The following PARP10 variants were observed in gnomAD, a reference collection of about 807,000 sequenced individuals.
The protein encoded by PARP10 is protein mono-ADP-ribosyltransferase PARP10.
PARP10 carries 56 observed loss-of-function variants against 82.4 expected under a neutral mutation model. The observed-to-expected ratio is 0.68, with a 90% CI of 0.55 to 0.85. The LOEUF (loss-of-function observed/expected upper bound fraction) is 0.85, where lower values mean the gene tolerates loss of function less well. Ranked by LOEUF, PARP10 falls within the 40% of genes least tolerant of loss-of-function variation. The probability of loss-of-function intolerance (pLI) is 0.00; values close to 1 mark genes in which losing one functional copy is unlikely to be tolerated. For missense variants in PARP10, 1,227 were observed against 1,379.4 expected (o/e 0.89, Z 1.75); for synonymous variants, 576 against 601.1 (o/e 0.96, Z 0.61).
At chr8:144,001,873 C>CGTGTGTGTGTGTGTGTGTGTGT (rs57117824) in intron 1 of PARP10, among the ~76,000 whole-genome samples, 97 of 136,502 alleles carry the variant, frequency 7.1e-4, no homozygotes, top group African/African-American at 2.6e-3. Flanking sequence ...AATATATATA[C>CGTGTGTGTGTGTGTGTGTGTGT]GTGTGTGTGT....
intron 1 of PARP10, among the ~76,000 whole-genome samples, chr8:144,002,128 G>A (rs575801284): frequency 6.6e-6 from 1 of 152,064 alleles, no homozygotes; most frequent in African/African-American, 2.4e-5. Flanking sequence ...ATGTGGGCCC[G>A]TCAGGCTATT....
intron 1 of PARP10, among the ~76,000 whole-genome samples, chr8:144,000,128 G>A (rs1834191582): frequency 6.6e-6 from 1 of 152,166 alleles, no homozygotes; most frequent in South Asian, 2.1e-4. Context: ...AGCATTGTGA[G>A]GTAAATTGTG....
chr8:143,986,621 C>T, upstream of PARP10: 1 of 596,696 alleles, frequency 1.7e-6, no homozygotes, highest in Non-Finnish European at 3.0e-6. Context: ...GCCAACCCAG[C>T]CCAGCCCACC....
intron 1 of PARP10, among the ~76,000 whole-genome samples, chr8:144,004,944 C>T (rs553331768): frequency 1.1e-4 from 16 of 152,086 alleles, no homozygotes; most frequent in African/African-American, 2.9e-4. Flanking sequence ...TTTGGGAGGC[C>T]GAGGCGGGCA....
intron 3 of PARP10, 35 bp downstream of exon 3, chr8:143,985,686 C>A: frequency 6.2e-7 from 1 of 1,602,550 alleles, no homozygotes; most frequent in Non-Finnish European, 8.5e-7. Flanking sequence ...GGAATCCCCC[C>A]TAGCCAGCAC....
chr8:143,990,348 C>T (rs1160332594), upstream of PARP10: 5 of 150,968 alleles, frequency 3.3e-5, no homozygotes, highest in African/African-American at 1.2e-4. The surrounding 1 kb of genome is among the most constrained non-coding windows in gnomAD (Gnocchi z 5.6). Context: ...CGCGGCAGCT[C>T]GCGGCCAGAG....
intron 1 of PARP10, among the ~76,000 whole-genome samples, chr8:144,001,913 C>T (rs1554751727): frequency 7.8e-6 from 1 of 127,866 alleles, no homozygotes; most frequent in African/African-American, 4.4e-5. Context: ...TGTGTGTATT[C>T]TCAGTGTTAA....
At position 143,986,088 on chromosome 8, in the gene PARP10, A is replaced by C; in HGVS notation, c.148T>G (p.Cys50Gly). The change falls in exon 2 of 11, where the codon TGT becomes GGT. Residue 50 changes from cysteine (C) to glycine (G), a missense_variant. Transcript: ENST00000313028. ...GPVLSWQRLGCGGVLTFREPA... is the reference protein window; with the variant it reads ...GPVLSWQRLGGGGVLTFREPA... ...TCTCTGAAGGTGAGGACGCCCCCAC[A>C]GCCCAGTCTCTGCCAGCTCAACACA... 1 of 1,614,006 alleles carries C rather than the reference A, an allele frequency of 6.2e-7. No homozygotes were observed. The highest frequency in any genetic ancestry group is 8.5e-7 in the Non-Finnish European group (1 of 1,179,982).
At chr8:144,001,873 C>CGTGT (rs57117824) in intron 1 of PARP10, among the ~76,000 whole-genome samples, 5,919 of 136,460 alleles carry the variant, frequency 0.043, 133 homozygotes, top group Middle Eastern at 0.055. Context: ...AATATATATA[C>CGTGT]GTGTGTGTGT....
chr8:143,980,319 C>CAAAAAAAAAAAA (rs564801582), intron 9 of PARP10, among the ~76,000 whole-genome samples: 1 of 16,080 alleles, frequency 6.2e-5, no homozygotes, highest in African/African-American at 1.1e-4. Flanking sequence ...GATTCCGTCT[C>CAAAAAAAAAAAA]AAAAAAAAAA....
At chr8:143,980,693 A>G (rs1833831252) in intron 9 of PARP10, among the ~76,000 whole-genome samples, 1 of 152,166 alleles carries the variant, frequency 6.6e-6, no homozygotes, top group Non-Finnish European at 1.5e-5. Flanking sequence ...GGTACTGAGT[A>G]ACCCGGTGGT....
chr8:143,994,726 C>T (rs563533282), upstream of PARP10, among the ~76,000 whole-genome samples: 9 of 152,298 alleles, frequency 5.9e-5, no homozygotes, highest in East Asian at 1.9e-4. Context: ...CCCTCTGCAG[C>T]GGCTAATCAC....
upstream of PARP10, chr8:143,993,285 C>T (rs1038480203): frequency 3.0e-5 from 6 of 201,368 alleles, no homozygotes; most frequent in Admixed American, 1.6e-4. Flanking sequence ...CCTCTGGGGA[C>T]ATGCGGAGTG....
At chr8:143,993,254 C>A (rs781938697), upstream of PARP10, 1 of 240,604 alleles carries the variant, frequency 4.2e-6, no homozygotes, top group Non-Finnish European at 8.3e-6. Context: ...TCCCCTCCCC[C>A]CCACCCCCCT....
At chr8:144,012,648 G>T (rs1834301348) in exon 1 of PARP10, 2 of 1,551,722 alleles carry the variant, frequency 1.3e-6, no homozygotes, top group Non-Finnish European at 1.7e-6. Flanking sequence ...CAAGACTCAG[G>T]CAGGCGGGCT....
At chr8:143,991,646 G>GCTC, upstream of PARP10, 1 of 1,592,386 alleles carries the variant, frequency 6.3e-7, no homozygotes, top group Non-Finnish European at 8.6e-7. Context: ...GGAGGGCAGG[G>GCTC]GGAGGTGCTT....
chr8:143,997,951 A>ATTTTAT (rs1354669427), intron 1 of PARP10, among the ~76,000 whole-genome samples: 4 of 151,828 alleles, frequency 2.6e-5, no homozygotes, highest in African/African-American at 9.7e-5. Flanking sequence ...TGCCTGGCTA[A>ATTTTAT]TTTTATTTTT....
intron 1 of PARP10, among the ~76,000 whole-genome samples, chr8:144,009,377 T>C (rs905050592): frequency 1.3e-5 from 2 of 152,186 alleles, no homozygotes; most frequent in Admixed American, 1.3e-4. Flanking sequence ...TGAAATATGC[T>C]CTGCCTGTGG....
intron 1 of PARP10, among the ~76,000 whole-genome samples, chr8:143,996,836 C>A (rs1449020486): frequency 6.6e-6 from 1 of 152,156 alleles, no homozygotes; most frequent in East Asian, 1.9e-4. Flanking sequence ...GCTGAGGAGG[C>A]CAGTCGAGGC....
Sources: allele counts gnomAD v4.1 joint callset (sites outside exome capture counted in the v4.1 genomes callset), GRCh38; gene constraint gnomAD v4.1.1; non-coding constraint Gnocchi (gnomAD v3.1); transcripts MANE v1.5; gene names NCBI Gene and HGNC (gene_info 2026-07-23, HGNC 2026-07-21).